CCDC88A: variants seen among roughly 807,000 people sequenced by gnomAD.
CCDC88A encodes the protein coiled-coil and HOOK domain protein 88A, also known as girdin.
CCDC88A carries 54 observed loss-of-function variants against 234.3 expected under a neutral mutation model. The observed-to-expected ratio is 0.23, with a 90% CI of 0.19 to 0.29. CCDC88A has a LOEUF of 0.29. Ranked by LOEUF, CCDC88A falls within the 10% of genes least tolerant of loss-of-function variation. The pLI is 1.00. For synonymous variants in CCDC88A, 753 were observed against 737.8 expected (o/e 1.02, Z -0.33); for missense variants, 1,832 against 2,123.4 (o/e 0.86, Z 2.70).
At chr2:55,407,076 T>A (rs1368401443) in intron 2 of CCDC88A, among the ~76,000 whole-genome samples, 1 of 152,106 alleles carries the variant, frequency 6.6e-6, no homozygotes, top group Non-Finnish European at 1.5e-5. Flanking sequence ...TAGCCAGGCA[T>A]GGTGACATAC....
intron 5 of CCDC88A, among the ~76,000 whole-genome samples, chr2:55,367,670 T>C (rs994838345): frequency 6.6e-6 from 1 of 151,826 alleles, no homozygotes; most frequent in Admixed American, 6.6e-5. Context: ...AGGCGCATCA[T>C]TGAACCAAGC....
At chr2:55,342,804 A>C (rs942839754) in intron 12 of CCDC88A, among the ~76,000 whole-genome samples, 2 of 152,126 alleles carry the variant, frequency 1.3e-5, no homozygotes, top group African/African-American at 4.8e-5. Context: ...TCAAGAGTTT[A>C]TGTCTACGTC....
intron 2 of CCDC88A, among the ~76,000 whole-genome samples, chr2:55,413,086 C>T (rs1427544672): frequency 6.6e-6 from 1 of 151,940 alleles, no homozygotes; most frequent in African/African-American, 2.4e-5. Context: ...CACATGCCTG[C>T]AGTCCCAGCT....
chr2:55,348,190 C>T (rs768471821), intron 9 of CCDC88A, among the ~76,000 whole-genome samples: 14 of 152,196 alleles, frequency 9.2e-5, no homozygotes, highest in Admixed American at 5.2e-4. Context: ...GTCTTTAACT[C>T]CTGGGCTCAA....
intron 22 of CCDC88A, chr2:55,314,338 C>T (rs1015488032): frequency 3.3e-5 from 5 of 152,164 alleles, no homozygotes; most frequent in African/African-American, 1.2e-4. Flanking sequence ...AAGGTTGTCT[C>T]GTTGTTAAAG....
intron 7 of CCDC88A, 103 bp from the exon 8 acceptor site, chr2:55,355,854 C>G (rs1191219146): frequency 8.5e-6 from 7 of 820,110 alleles, no homozygotes; most frequent in Non-Finnish European, 1.3e-5. Flanking sequence ...ATATCAAAAA[C>G]AATTCACTGG....
intron 9 of CCDC88A, 129 bp downstream of exon 9, chr2:55,349,389 A>G: frequency 1.5e-6 from 1 of 666,342 alleles, no homozygotes. Flanking sequence ...AAAGTCATCC[A>G]ATCTCTTGAA....
At chr2:55,371,033 C>T (rs1438939894) in intron 5 of CCDC88A, among the ~76,000 whole-genome samples, 1 of 151,986 alleles carries the variant, frequency 6.6e-6, no homozygotes, top group Non-Finnish European at 1.5e-5. Context: ...TGGTTCTGCT[C>T]CATTCCTACT....
Position 55,317,342 on chromosome 2 carries a change from G to T in CCDC88A, c.3610C>A (p.Gln1204Lys). ...AACTGTCCTTTCTGTTTTAATAACT[G>T]ATTGTAACTGGGGGGAAAAAAGGCA... ...EHRDLEDRYN[Q>K]LLKQKGQLED... Residue 1204 changes from glutamine to lysine, a missense_variant, in exon 21 of 33, where the codon CAG becomes AAG. This residue lies in a region of CCDC88A where 1,282 missense variants were observed against 1,543.6 expected (regional missense o/e 0.83). Transcript: ENST00000436346. This position sits in a 1 kb window ranked among gnomAD's most constrained non-coding sequence, Gnocchi z 4.2. The T allele has an allele frequency of 6.8e-7, 1 of 1,480,908 alleles. No individual in the cohort carries two copies. The highest frequency in any genetic ancestry group is 9.0e-7 in the Non-Finnish European group (1 of 1,111,580). 91.7% of individuals were successfully genotyped at this position (1,480,908 alleles called of 1,614,324 possible). A position where few individuals can be genotyped will look rare whatever the true frequency, so the allele number is the denominator to read the frequency against.
chr2:55,352,953 T>A (rs1336157759), intron 8 of CCDC88A, among the ~76,000 whole-genome samples: 1 of 152,178 alleles, frequency 6.6e-6, no homozygotes, highest in African/African-American at 2.4e-5. Context: ...TAAAAAGAAC[T>A]AATAGGAGAT....
At chr2:55,295,281 C>T in intron 31 of CCDC88A, 1 of 1,398,300 alleles carries the variant, frequency 7.2e-7, no homozygotes, top group South Asian at 1.2e-5. Context: ...GTCAGTTATT[C>T]TGATAACTGG....
In CCDC88A at chr2:55,355,607, C is replaced by G; in HGVS notation, c.772G>C (p.Ala258Pro). The G allele has an allele frequency of 6.2e-7, 1 of 1,614,086 alleles. No homozygotes were observed. Among genetic ancestry groups the G allele is most frequent in the Non-Finnish European group, 8.5e-7 (1 of 1,179,974 alleles). ...TCCTGCCTAAGCCTTCTTATCTTGG[C>G]TTTAGCATCTGCCAGTTCCACCGAC... ...HLSVELADAKAKIRRLRQELE... is the reference protein window; with the variant it reads ...HLSVELADAKPKIRRLRQELE... Residue 258 changes from alanine (A) to proline (P), a missense_variant, in exon 8 of 33, where the codon GCC becomes CCC. By Grantham distance (27) the Ala-to-Pro change is conservative. This residue lies in a region of CCDC88A where 1,282 missense variants were observed against 1,543.6 expected (regional missense o/e 0.83). Coordinates refer to ENST00000436346, the MANE Select transcript of CCDC88A (RefSeq NM_001365480.1).
chr2:55,364,981 T>G (rs1671766646), intron 5 of CCDC88A, among the ~76,000 whole-genome samples: 1 of 152,160 alleles, frequency 6.6e-6, no homozygotes, highest in African/African-American at 2.4e-5. Flanking sequence ...AATTACAAAC[T>G]AGCTCTTTGA....
At chr2:55,417,913 A>G (rs1416321652) in intron 2 of CCDC88A, 1 of 149,962 alleles carries the variant, frequency 6.7e-6, no homozygotes, top group African/African-American at 2.5e-5. Context: ...ATCAGATTCT[A>G]TTAAAGAGAA....
chr2:55,417,155 G>C (rs1248607847), intron 2 of CCDC88A: 5 of 151,672 alleles, frequency 3.3e-5, no homozygotes, highest in Non-Finnish European at 7.4e-5. Flanking sequence ...TAACGTATTT[G>C]TTTTTAGCAC....
intron 25 of CCDC88A, among the ~76,000 whole-genome samples, chr2:55,307,106 G>A (rs559079329): frequency 6.6e-6 from 1 of 152,108 alleles, no homozygotes; most frequent in South Asian, 2.1e-4. Context: ...TAGTGTGAGA[G>A]GATTCAAAGT....
intron 29 of CCDC88A, 161 bp from the exon 30 acceptor site, chr2:55,296,684 G>A: frequency 1.5e-6 from 1 of 686,348 alleles, no homozygotes; most frequent in East Asian, 2.7e-5. Context: ...TCTTTTATCA[G>A]TCTAACAATT....
rs1050716802 is a variant in CCDC88A, at chr2:55,290,128, C to G, written c.*1072G>C. ...CTAAATCTATTTTTTTGTGCTTCTT[C>G]CAAATGTTTAAAGGTAACAAATGCA... On this transcript the variant is annotated 3_prime_UTR_variant, in exon 33 of 33. Coordinates refer to ENST00000436346, the MANE Select transcript of CCDC88A (RefSeq NM_001365480.1). 2 of 152,250 alleles carry G rather than the reference C, an allele frequency of 1.3e-5. No individual in the cohort carries two copies. The highest frequency in any genetic ancestry group is 4.8e-5 in the African/African-American group (2 of 41,338). The allele number at this position is 152,250 out of a possible 1,614,324, so 9.4% of individuals were successfully genotyped here. A position where few individuals can be genotyped will look rare whatever the true frequency, so the allele number is the denominator to read the frequency against.
At chr2:55,399,908 C>T (rs1163065759) in intron 2 of CCDC88A, 2 of 152,044 alleles carry the variant, frequency 1.3e-5, no homozygotes, top group Non-Finnish European at 2.9e-5. Context: ...AACACTCATT[C>T]CTGTGTGTGT....
Sources: allele counts gnomAD v4.1 joint callset (sites outside exome capture counted in the v4.1 genomes callset), GRCh38; gene constraint gnomAD v4.1.1; regional missense constraint gnomAD v4.1.1; non-coding constraint Gnocchi (gnomAD v3.1); transcripts MANE v1.5; gene names NCBI Gene and HGNC (gene_info 2026-07-23, HGNC 2026-07-21).